The following RAD51B variants were observed in gnomAD, a reference collection of about 807,000 sequenced individuals.
The protein encoded by RAD51B is DNA repair protein RAD51 homolog 2.
In RAD51B, 38 loss-of-function variants were observed where a neutral mutation model predicts 42.2. The ratio of observed to expected loss-of-function variants is 0.90; its 90% CI spans 0.70 to 1.18. The LOEUF (loss-of-function observed/expected upper bound fraction) is 1.18, where lower values mean the gene tolerates loss of function less well. Ranked by LOEUF, RAD51B falls within the 50% of genes most tolerant of loss-of-function variation. The pLI is 0.00. For synonymous variants in RAD51B, 154 were observed against 145.2 expected (o/e 1.06, Z -0.43); for missense variants, 373 against 400.7 (o/e 0.93, Z 0.59).
intron 7 of RAD51B, among the ~76,000 whole-genome samples, chr14:68,176,353 TCCAAAA>T (rs1197931040): frequency 6.6e-6 from 1 of 152,184 alleles, no homozygotes; most frequent in East Asian, 1.9e-4. Context: ...TCCAACTAAT[TCCAAAA>T]CCTGTACTCT....
intron 7 of RAD51B, among the ~76,000 whole-genome samples, chr14:67,947,441 C>T (rs144371353): frequency 3.3e-5 from 5 of 152,240 alleles, no homozygotes; most frequent in Non-Finnish European, 5.9e-5. Flanking sequence ...GGACTGTGTT[C>T]GGTTTACCTT....
chr14:67,985,244 A>C (rs1046463107), intron 7 of RAD51B, among the ~76,000 whole-genome samples: 2 of 152,192 alleles, frequency 1.3e-5, no homozygotes, highest in African/African-American at 4.8e-5. Context: ...ACATATTACT[A>C]TACTTTTGTT....
At chr14:67,933,893 T>C (rs1404784140) in intron 7 of RAD51B, among the ~76,000 whole-genome samples, 5 of 152,216 alleles carry the variant, frequency 3.3e-5, no homozygotes, top group African/African-American at 1.2e-4. Flanking sequence ...TCCTGCTGAG[T>C]CAGGCAATGC....
intron 7 of RAD51B, among the ~76,000 whole-genome samples, chr14:68,155,523 A>C (rs985145627): frequency 2.0e-5 from 3 of 152,034 alleles, no homozygotes; most frequent in Admixed American, 6.6e-5. Context: ...AATAGGTGTG[A>C]GATTTTTGTT....
chr14:68,625,630 G>A (rs1384955818), intron 10 of RAD51B, among the ~76,000 whole-genome samples: 1 of 152,154 alleles, frequency 6.6e-6, no homozygotes, highest in East Asian at 1.9e-4. Flanking sequence ...CAGGGTTCCT[G>A]CACAGGCACC....
chr14:68,126,869 A>G (rs1415281256), intron 7 of RAD51B, among the ~76,000 whole-genome samples: 2 of 152,190 alleles, frequency 1.3e-5, no homozygotes, highest in Non-Finnish European at 2.9e-5. Flanking sequence ...CGGAGAATAT[A>G]TTTGCTTATT....
In RAD51B at chr14:68,611,086, A is replaced by G. The variant is rs1229656212; in HGVS notation, c.1117A>G (p.Ile373Val). 4.3e-6 allele frequency: 3 copies of G among 703,122 alleles called. No individual in the cohort carries two copies. In the East Asian group the frequency reaches 8.0e-5, roughly 19 times the overall value. 43.6% of individuals were successfully genotyped at this position (703,122 alleles called of 1,614,324 possible). A position where few individuals can be genotyped will look rare whatever the true frequency, so the allele number is the denominator to read the frequency against. ...CTCACATCCCAGCCCTACCTTCCTG[A>G]TACCTGATGTGGTGCTCAGAAAAAC... Residue 373 changes from isoleucine to valine, a missense_variant, in exon 11 of 11, where the codon ATA (isoleucine) becomes GTA (valine). By Grantham distance (29) the Ile-to-Val change is conservative. Transcript: ENST00000487861.
chr14:67,853,680 A>G (rs938318233), intron 4 of RAD51B, among the ~76,000 whole-genome samples: 5 of 152,226 alleles, frequency 3.3e-5, no homozygotes, highest in Non-Finnish European at 7.3e-5. Flanking sequence ...AAGGCAACTG[A>G]TTGAATGAAC....
chr14:67,882,817 T>C (rs748125368), intron 5 of RAD51B, among the ~76,000 whole-genome samples: 1 of 152,130 alleles, frequency 6.6e-6, no homozygotes, highest in Non-Finnish European at 1.5e-5. Flanking sequence ...TGATCTTGGC[T>C]CACTGCAACC....
intron 10 of RAD51B, among the ~76,000 whole-genome samples, chr14:68,561,486 A>G (rs529376503): frequency 2.3e-4 from 35 of 152,318 alleles, no homozygotes; most frequent in African/African-American, 8.4e-4. Flanking sequence ...CGCTGGGGAC[A>G]CTTAGGCGAG....
chr14:68,347,555 G>A (rs2082699580), intron 8 of RAD51B, among the ~76,000 whole-genome samples: 1 of 152,196 alleles, frequency 6.6e-6, no homozygotes, highest in Admixed American at 6.5e-5. Context: ...ATGGTGGCGT[G>A]TGCCTCCCAA....
rs1019425047 is a variant in RAD51B, at chr14:68,391,744, C to G, written c.854-19680C>G. On this transcript the variant is annotated intron_variant, in intron 8 of 10. Transcript: ENST00000471583. ...ATGCTCTGTATGAAAGAAAAGCAAG[C>G]AAACTTGTTGACTCAGTTCCCATGG... Among the ~76,000 whole-genome samples the G allele has an allele frequency of 9.3e-4, 142 of 152,162 alleles. 1 individual carries two copies. Among genetic ancestry groups the G allele is most frequent in the African/African-American group, 3.3e-3 (137 of 41,504 alleles).
At chr14:67,964,024 T>G (rs1400712941) in intron 7 of RAD51B, among the ~76,000 whole-genome samples, 1 of 151,930 alleles carries the variant, frequency 6.6e-6, no homozygotes, top group Non-Finnish European at 1.5e-5. Flanking sequence ...TGAATGAGAC[T>G]TGAGTGCACA....
chr14:67,953,530 G>T (rs932094588), intron 7 of RAD51B, among the ~76,000 whole-genome samples: 4 of 152,150 alleles, frequency 2.6e-5, no homozygotes, highest in Admixed American at 6.5e-5. Flanking sequence ...GGAGCTAGTA[G>T]CTGTGCTTTA....
chr14:68,392,804 C>A (rs184065811), intron 8 of RAD51B, among the ~76,000 whole-genome samples: 1 of 152,318 alleles, frequency 6.6e-6, no homozygotes, highest in African/African-American at 2.4e-5. Flanking sequence ...CTCCCCATTT[C>A]GACTCATGCC....
chr14:68,160,488 A>G (rs938894630), intron 7 of RAD51B, among the ~76,000 whole-genome samples: 35 of 152,204 alleles, frequency 2.3e-4, no homozygotes, highest in African/African-American at 6.5e-4. Flanking sequence ...CTGTTTTGCA[A>G]TGCCCTGCCA....
At chr14:68,286,635 G>A (rs1308164560) in intron 7 of RAD51B, among the ~76,000 whole-genome samples, 4 of 152,144 alleles carry the variant, frequency 2.6e-5, no homozygotes, top group Admixed American at 1.3e-4. Flanking sequence ...ATACAAAATG[G>A]CTACTCATGG....
intron 7 of RAD51B, among the ~76,000 whole-genome samples, chr14:68,141,147 C>A (rs1415244857): frequency 1.3e-5 from 2 of 152,144 alleles, no homozygotes; most frequent in African/African-American, 2.4e-5. Flanking sequence ...AAGAAACTTG[C>A]AGGAATGCAG....
intron 7 of RAD51B, among the ~76,000 whole-genome samples, chr14:68,232,168 T>A (rs1374066026): frequency 6.6e-6 from 1 of 152,134 alleles, no homozygotes; most frequent in African/African-American, 2.4e-5. Context: ...AACAACAGTG[T>A]CTGTAGTACT....
Sources: gnomAD v4.1 joint callset for allele counts (sites outside exome capture counted in the v4.1 genomes callset) on GRCh38, gnomAD v4.1.1 for gene constraint, MANE v1.5 for transcripts, NCBI Gene and HGNC (gene_info 2026-07-23, HGNC 2026-07-21) for gene names.